DIS3L2: variants seen among roughly 807,000 people sequenced by gnomAD.
DIS3L2 encodes DIS3 like 3'-5' exoribonuclease 2, also known as DIS3-like exonuclease 2.
DIS3L2 carries 34 observed loss-of-function variants against 97.5 expected under a neutral mutation model. The ratio of observed to expected loss-of-function variants is 0.35; its 90% CI spans 0.27 to 0.46. The LOEUF is 0.46. DIS3L2 is among the 20% of genes least tolerant of loss of function. DIS3L2 has a pLI of 1.00. For synonymous variants in DIS3L2, 435 were observed against 445.2 expected, an observed-to-expected ratio of 0.98 and a Z score of 0.29; for missense variants, 1,038 against 1,146.0, an observed-to-expected ratio of 0.91 and a Z score of 1.36.
chr2:232,306,681 A>G (rs909827493), intron 14 of DIS3L2, among the ~76,000 whole-genome samples: 1 of 152,230 alleles, frequency 6.6e-6, no homozygotes, highest in African/African-American at 2.4e-5. Flanking sequence ...TATCTGCTAT[A>G]TACCTGTATA....
intron 6 of DIS3L2, among the ~76,000 whole-genome samples, chr2:232,091,779 G>A (rs1042775132): frequency 2.6e-5 from 4 of 152,080 alleles, no homozygotes; most frequent in African/African-American, 9.7e-5. Flanking sequence ...GTGTATGAGG[G>A]TTCCCTTTTC....
At chr2:232,001,557 C>CTTTTTTT (rs57766848) in intron 1 of DIS3L2, among the ~76,000 whole-genome samples, 776 of 61,860 alleles carry the variant, frequency 0.013, 2 homozygotes, top group Non-Finnish European at 0.016. Context: ...TGCCATTTGT[C>CTTTTTTT]TTTTTTTTTT....
chr2:232,088,375 T>A (rs1574865646), intron 6 of DIS3L2, among the ~76,000 whole-genome samples: 3 of 136,424 alleles, frequency 2.2e-5, no homozygotes, highest in Admixed American at 7.8e-5. Context: ...TGAAAGCCCG[T>A]CTCTACTAAA....
At chr2:232,014,494 C>T (rs1694298653) in intron 1 of DIS3L2, among the ~76,000 whole-genome samples, 1 of 152,168 alleles carries the variant, frequency 6.6e-6, no homozygotes, top group Non-Finnish European at 1.5e-5. Flanking sequence ...GATTCTAGAT[C>T]TTTATTATCA....
intron 5 of DIS3L2, among the ~76,000 whole-genome samples, chr2:232,032,199 A>G (rs187428875): frequency 6.6e-6 from 1 of 152,266 alleles, no homozygotes; most frequent in East Asian, 1.9e-4. Flanking sequence ...AGTGATCTCC[A>G]TTCTAACTGG....
intron 14 of DIS3L2, among the ~76,000 whole-genome samples, chr2:232,326,047 A>T (rs1695563700): frequency 6.6e-6 from 1 of 152,128 alleles, no homozygotes; most frequent in African/African-American, 2.4e-5. Flanking sequence ...TAGGCTGTGC[A>T]CCTAGCACAG....
chr2:232,003,376 T>TA (rs1303001024), intron 1 of DIS3L2, among the ~76,000 whole-genome samples: 2 of 152,174 alleles, frequency 1.3e-5, no homozygotes, highest in African/African-American at 4.8e-5. Flanking sequence ...TAAGAAAAAA[T>TA]ACAGGAAATT....
At chr2:231,982,893 T>A (rs1693301235) in intron 1 of DIS3L2, among the ~76,000 whole-genome samples, 1 of 152,124 alleles carries the variant, frequency 6.6e-6, no homozygotes, top group Non-Finnish European at 1.5e-5. Context: ...TTGGCCAGGC[T>A]GGTCTCGAAC....
At chr2:232,047,657 CA>C (rs1695278482) in intron 5 of DIS3L2, among the ~76,000 whole-genome samples, 1 of 152,104 alleles carries the variant, frequency 6.6e-6, no homozygotes, top group Admixed American at 6.5e-5. Context: ...GCCATCACAC[CA>C]TCTAATTCCA....
chr2:232,105,223 G>A (rs762699850), intron 6 of DIS3L2, among the ~76,000 whole-genome samples: 4 of 152,130 alleles, frequency 2.6e-5, no homozygotes, highest in Non-Finnish European at 5.9e-5. Context: ...ACAACTATCC[G>A]TTTGAGTCAC....
At chr2:232,185,532 A>T (rs1404210126) in intron 9 of DIS3L2, among the ~76,000 whole-genome samples, 2 of 152,204 alleles carry the variant, frequency 1.3e-5, no homozygotes, top group Non-Finnish European at 2.9e-5. Flanking sequence ...TTACCTTAGG[A>T]ATTTAGATAA....
At chr2:232,216,737 G>A (rs1370947380) in intron 10 of DIS3L2, among the ~76,000 whole-genome samples, 1 of 152,206 alleles carries the variant, frequency 6.6e-6, no homozygotes, top group African/African-American at 2.4e-5. Flanking sequence ...GGCATGAGAA[G>A]AGTTGATCGT....
intron 9 of DIS3L2, among the ~76,000 whole-genome samples, chr2:232,174,252 T>G (rs1691081013): frequency 1.3e-5 from 2 of 152,136 alleles, no homozygotes; most frequent in Admixed American, 1.3e-4. Flanking sequence ...GAAATACATT[T>G]TATATTTATA....
rs189395036 is a variant in DIS3L2, at chr2:232,079,317, C to T, written c.367-8170C>T. On this transcript the variant is annotated intron_variant, in intron 5 of 20. Transcript: ENST00000325385. ...CAAATGAAAATAAAGCTGGATAAGG[C>T]CAGGCGCAGTGGCTCACACCTGTAA... is the stretch of plus-strand genomic sequence containing the variant. Among the ~76,000 whole-genome samples, 15 of 151,960 alleles carry T rather than the reference C, an allele frequency of 9.9e-5. No homozygotes were observed. The East Asian group carries it at 2.9e-3, about 29-fold the overall frequency.
At chr2:232,286,795 A>G (rs182369174) in intron 13 of DIS3L2, among the ~76,000 whole-genome samples, 3 of 152,200 alleles carry the variant, frequency 2.0e-5, no homozygotes, top group African/African-American at 4.8e-5. Flanking sequence ...TTGGGGTTTT[A>G]TTTTTGAGAT....
intron 10 of DIS3L2, among the ~76,000 whole-genome samples, chr2:232,235,131 G>A (rs1003191172): frequency 6.6e-6 from 1 of 152,256 alleles, no homozygotes; most frequent in African/African-American, 2.4e-5. Context: ...GGCAAAGTGA[G>A]CCAGGCCCGG....
chr2:232,051,054 C>T (rs534805583), intron 5 of DIS3L2, among the ~76,000 whole-genome samples: 7 of 152,268 alleles, frequency 4.6e-5, no homozygotes, highest in Admixed American at 2.6e-4. Flanking sequence ...AAGGAAGAGA[C>T]GCATGCATTC....
chr2:232,165,513 C>T (rs1049566275), intron 9 of DIS3L2, among the ~76,000 whole-genome samples: 1 of 152,122 alleles, frequency 6.6e-6, no homozygotes, highest in African/African-American at 2.4e-5. Context: ...TGCATACTGC[C>T]ATACTATTCA....
At chr2:232,095,932 G>T (rs1696993693) in intron 6 of DIS3L2, among the ~76,000 whole-genome samples, 1 of 151,762 alleles carries the variant, frequency 6.6e-6, no homozygotes, top group Non-Finnish European at 1.5e-5. Context: ...ATGTGTTGTA[G>T]CTCCATTGTA....
Sources: allele counts gnomAD v4.1 joint callset (sites outside exome capture counted in the v4.1 genomes callset), GRCh38; gene constraint gnomAD v4.1.1; transcripts MANE v1.5; gene names NCBI Gene and HGNC (gene_info 2026-07-23, HGNC 2026-07-21).